FBXO38: variants seen among roughly 807,000 people sequenced by gnomAD.
FBXO38 encodes the protein F-box only protein 38.
A neutral mutation model predicts 131.9 loss-of-function variants in FBXO38; 53 were observed. The ratio of observed to expected loss-of-function variants is 0.40; its 90% confidence interval spans 0.32 to 0.51. The LOEUF (loss-of-function observed/expected upper bound fraction) is 0.51. FBXO38 is among the 20% of genes least tolerant of loss of function. FBXO38 has a pLI of 0.53. For missense variants in FBXO38, 1,076 were observed against 1,475.6 expected (o/e 0.73, Z 4.44); for synonymous variants, 452 against 505.6 (o/e 0.89, Z 1.42).
intron 1 of FBXO38, among the ~76,000 whole-genome samples, chr5:148,392,581 T>TTGTGTGTG (rs55667300): frequency 0.013 from 1,851 of 141,924 alleles, 41 homozygotes; most frequent in East Asian, 0.06. Context: ...TTGCTTTTCT[T>TTGTGTGTG]TGTGTGTGTG....
intron 2 of FBXO38, among the ~76,000 whole-genome samples, chr5:148,398,156 C>T (rs1751916737): frequency 6.6e-6 from 1 of 152,036 alleles, no homozygotes; most frequent in Non-Finnish European, 1.5e-5. Flanking sequence ...AGCTAGTTAC[C>T]TCTTAAGGTT....
intron 1 of FBXO38, among the ~76,000 whole-genome samples, chr5:148,393,538 C>T (rs1410226688): frequency 6.6e-6 from 1 of 152,100 alleles, no homozygotes; most frequent in Non-Finnish European, 1.5e-5. Context: ...CCATTAGTGA[C>T]TCAGGCCCCT....
intron 12 of FBXO38, among the ~76,000 whole-genome samples, chr5:148,420,304 T>A (rs2113602887): frequency 6.6e-6 from 1 of 152,076 alleles, no homozygotes; most frequent in African/African-American, 2.4e-5. Flanking sequence ...TCAAAAAATT[T>A]TGTGTAGAGA....
chr5:148,388,032 TTC>T (rs1758007632), intron 1 of FBXO38, among the ~76,000 whole-genome samples: 1 of 152,096 alleles, frequency 6.6e-6, no homozygotes. Context: ...AAGTTGAAAG[TTC>T]TTGATCTAGT....
intron 14 of FBXO38, 103 bp from the exon 15 acceptor site, chr5:148,427,110 A>G: frequency 7.6e-7 from 1 of 1,309,054 alleles, no homozygotes; most frequent in South Asian, 1.5e-5. Context: ...ATTAGTGTTT[A>G]GTATACATTA....
rs201841722 is a variant in FBXO38, at chr5:148,441,257, A to C, written c.3388+20A>C. 3 of 1,554,358 alleles carry C rather than the reference A, an allele frequency of 1.9e-6. No homozygotes were observed. Among genetic ancestry groups the C allele is most frequent in the Admixed American group, 1.7e-5 (1 of 59,644 alleles). On this transcript the variant is annotated intron_variant, in intron 21 of 21. Transcript: ENST00000340253. ...AAGAAAGTAATTATGACCTGACTTG[A>C]CATCTATTCTCTAGTTTAAGTATAG...
chr5:148,427,918 T>G lies in FBXO38; in HGVS notation c.2624T>G (p.Leu875Arg). Residue 875 changes from leucine (L) to arginine (R), a missense_variant, in exon 15 of 22, where the codon CTG becomes CGG. Leu to Arg is a moderately radical substitution (Grantham distance 102, BLOSUM62 -2). Transcript: ENST00000340253. ...CCCCTAACCAGGGCCAGGAGCAGACTGTCCCATGTACTGCTGGTATCTGAG... is the reference window on the plus strand; with the variant it reads ...CCCCTAACCAGGGCCAGGAGCAGACGGTCCCATGTACTGCTGGTATCTGAG... ...RRPLTRARSR[L>R]SHVLLVSESE... 6.5e-7 allele frequency: 1 copy of G among 1,529,230 alleles called. No homozygotes were observed. Among genetic ancestry groups the G allele is most frequent in the Non-Finnish European group, 8.8e-7 (1 of 1,140,942 alleles). 94.7% of individuals were successfully genotyped at this position (1,529,230 alleles called of 1,614,324 possible).
intron 20 of FBXO38, among the ~76,000 whole-genome samples, chr5:148,440,765 T>C (rs897456896): frequency 5.9e-5 from 9 of 152,124 alleles, no homozygotes; most frequent in Middle Eastern, 3.2e-3. Context: ...AATTACACTT[T>C]TTAAAAAAAG....
intron 1 of FBXO38, among the ~76,000 whole-genome samples, chr5:148,393,188 G>GGGTGTGT (rs1420907423): frequency 2.0e-4 from 25 of 127,082 alleles, no homozygotes; most frequent in African/African-American, 7.6e-4. Flanking sequence ...ACAGAAGAGG[G>GGGTGTGT]GTGTGTGTGT....
In FBXO38 at chr5:148,437,953, G is replaced by C. The variant is rs1754443310; in HGVS notation, c.2858-379G>C. Among the ~76,000 whole-genome samples, 5 of 151,936 alleles carry C rather than the reference G, an allele frequency of 3.3e-5. 1 individual carries two copies. In the South Asian group the frequency reaches 1.0e-3, roughly 31 times the overall value. On this transcript the variant is annotated intron_variant, in intron 17 of 21. Coordinates refer to ENST00000340253, the MANE Select transcript of FBXO38 (RefSeq NM_205836.3). ...GTGACAGGAATTAAAATCCAACTCTGCTCATTCCTGAGAGTGAATGTAAGG... is the reference window on the plus strand; with the variant it reads ...GTGACAGGAATTAAAATCCAACTCTCCTCATTCCTGAGAGTGAATGTAAGG...
Position 148,409,179 on chromosome 5 carries a change from A to G in FBXO38, c.924A>G (p.Glu308=). The G allele has an allele frequency of 1.2e-6, 2 of 1,613,118 alleles. No individual in the cohort carries two copies. Among genetic ancestry groups the G allele is most frequent in the Non-Finnish European group, 1.7e-6 (2 of 1,179,180 alleles). Residue 308 remains glutamate (E), a synonymous_variant, in exon 8 of 22, where the codon GAA becomes GAG. Transcript: ENST00000340253. ...TGGGAGCTTGCAAAAATGCTCTTGA[A>G]GTAGATCTTGGTTACCTCATCATTA... ...IVLGACKNAL[E]VDLGYLIITA... is the part of the protein sequence containing the mutation.
Position 148,440,527 on chromosome 5 carries a change from GGTGA to G in FBXO38, c.3274+3_3274+6del. On this transcript the variant is annotated splice_donor_variant and splice_donor_region_variant and intron_variant, in intron 20 of 21. Transcript: ENST00000340253. LOFTEE classifies it high-confidence loss of function. ...GGGGAGAGAAATCTATACTTTAGAA[GGTGA>G]GTATTTACAAATGTTTAGAAAGTTA... is the stretch of plus-strand genomic sequence containing the variant. 6.4e-7 allele frequency: 1 copy of G among 1,558,396 alleles called. No individual in the cohort carries two copies. The highest frequency in any genetic ancestry group is 8.8e-7 in the Non-Finnish European group (1 of 1,131,028).
chr5:148,398,640 C>G (rs1056161189), intron 2 of FBXO38, among the ~76,000 whole-genome samples: 2 of 151,270 alleles, frequency 1.3e-5, no homozygotes, highest in African/African-American at 4.9e-5. Context: ...TCTGATCTTT[C>G]TCAGGTTCCT....
At position 148,384,535 on chromosome 5, in the gene FBXO38, C is replaced by T. The variant is rs75633340; in HGVS notation, c.-64+496C>T. On this transcript the variant is annotated intron_variant, in intron 1 of 21. Coordinates refer to ENST00000340253, the MANE Select transcript of FBXO38 (RefSeq NM_205836.3). ...GGAGCCCTGAATTCTAGTTTCACCC[C>T]TTCCACCTACACACCGTGTGACCTT... is the stretch of plus-strand genomic sequence containing the variant. 7.2e-5 allele frequency among the ~76,000 whole-genome samples: 11 copies of T among 152,294 alleles called. No individual in the cohort carries two copies. The East Asian group carries it at 2.1e-3, about 29-fold the overall frequency.
chr5:148,410,855 T>G (rs755799861), intron 9 of FBXO38, 90 bp downstream of exon 9: 4 of 1,233,056 alleles, frequency 3.2e-6, no homozygotes, highest in African/African-American at 1.5e-5. Context: ...CATGTCTTTT[T>G]GAACATAAGA....
At chr5:148,385,269 G>A (rs550012429) in intron 1 of FBXO38, among the ~76,000 whole-genome samples, 1 of 152,216 alleles carries the variant, frequency 6.6e-6, no homozygotes, top group South Asian at 2.1e-4. Context: ...GTAGAGTTTT[G>A]TGTGCCTCTT....
Position 148,442,354 on chromosome 5 carries a change from A to T in FBXO38, c.*207A>T. The T allele has an allele frequency of 2.6e-6, 1 of 389,406 alleles. No individual in the cohort carries two copies. The highest frequency in any genetic ancestry group is 4.5e-6 in the Non-Finnish European group (1 of 219,956). The allele number at this position is 389,406 out of a possible 1,614,324, so 24.1% of individuals were successfully genotyped here. On this transcript the variant is annotated 3_prime_UTR_variant, in exon 22 of 22. Transcript: ENST00000340253. ...ACGCTTCCTAAAGTACCAACTTTAT[A>T]TCATATGTTTATACAATTTAATTTA...
intron 12 of FBXO38, among the ~76,000 whole-genome samples, chr5:148,418,816 G>A (rs1753223887): frequency 6.6e-6 from 1 of 152,200 alleles, no homozygotes; most frequent in Non-Finnish European, 1.5e-5. Flanking sequence ...TCAGTACAGT[G>A]GAGAATGCCT....
intron 12 of FBXO38, among the ~76,000 whole-genome samples, 174 bp downstream of exon 12, chr5:148,417,378 G>A (rs1753123040): frequency 6.6e-6 from 1 of 152,128 alleles, no homozygotes; most frequent in Admixed American, 6.5e-5. Context: ...TTTCTTGCTT[G>A]TTTCAAAACT....
Sources: gnomAD v4.1 joint callset for allele counts (sites outside exome capture counted in the v4.1 genomes callset) on GRCh38, gnomAD v4.1.1 for gene constraint, MANE v1.5 for transcripts, NCBI Gene and HGNC (gene_info 2026-07-23, HGNC 2026-07-21) for gene names.